ANKRD30A: variants seen among roughly 807,000 people sequenced by gnomAD.
ANKRD30A encodes the protein ankyrin repeat domain-containing protein 30A.
Under a neutral mutation model 166.3 loss-of-function variants are expected in ANKRD30A, and 170 were observed. The observed-to-expected ratio is 1.02, with a 90% CI of 0.90 to 1.16. The LOEUF (loss-of-function observed/expected upper bound fraction) is 1.16. ANKRD30A is among the 50% of genes most tolerant of loss of function. The pLI, the probability that ANKRD30A is intolerant of heterozygous loss-of-function variation, is 0.00. For missense variants in ANKRD30A, 1,630 were observed against 1,518.0 expected (o/e 1.07, Z -1.23); for synonymous variants, 564 against 508.9 (o/e 1.11, Z -1.46).
intron 5 of ANKRD30A, among the ~76,000 whole-genome samples, chr10:37,135,832 A>G (rs1178416388): frequency 2.0e-5 from 3 of 152,214 alleles, no homozygotes; most frequent in South Asian, 2.1e-4. Flanking sequence ...TACAAATTAT[A>G]AAATAGCTTA....
chr10:37,136,783 A>G (rs1199941945), intron 6 of ANKRD30A, 112 bp downstream of exon 6: 3 of 485,146 alleles, frequency 6.2e-6, no homozygotes, highest in African/African-American at 2.1e-5. Flanking sequence ...GTGTTTACAT[A>G]TATACATATA....
At chr10:37,155,753 G>A (rs17590617) in intron 13 of ANKRD30A, among the ~76,000 whole-genome samples, 35 of 152,182 alleles carry the variant, frequency 2.3e-4, no homozygotes, top group African/African-American at 6.5e-4. Context: ...CAACTGTTTA[G>A]TTTTTGTTCA....
At chr10:37,196,605 C>T (rs1841139070) in intron 27 of ANKRD30A, among the ~76,000 whole-genome samples, 2 of 152,076 alleles carry the variant, frequency 1.3e-5, no homozygotes, top group Non-Finnish European at 2.9e-5. Flanking sequence ...ATGTTTAATT[C>T]ATCTATTGCA....
At chr10:37,197,793 T>C (rs1314994423) in intron 29 of ANKRD30A, among the ~76,000 whole-genome samples, 10 of 152,206 alleles carry the variant, frequency 6.6e-5, no homozygotes, top group Non-Finnish European at 2.9e-5. Context: ...ATTTCTTTTT[T>C]TAGTTCTTCG....
chr10:37,149,655 T>G lies in ANKRD30A; in HGVS notation c.1548T>G (p.Pro516=). The G allele has an allele frequency of 6.2e-7, 1 of 1,612,144 alleles. No individual in the cohort carries two copies. The highest frequency in any genetic ancestry group is 8.5e-7 in the Non-Finnish European group (1 of 1,178,642). ...VMEINREVEE[P]PKKPSAFKPA... is the part of the protein sequence containing the mutation. ...TAAATCTCTTTTGCTTTTTAGAGCC[T>G]CCTAAGAAGCCATCTGCCTTCAAGG... Residue 516 remains proline (P), a synonymous_variant, in exon 10 of 36, where the codon CCT becomes CCG. Coordinates refer to ENST00000361713, the MANE Select transcript of ANKRD30A (RefSeq NM_052997.3).
At chr10:37,171,484 A>C (rs1206426558) in intron 21 of ANKRD30A, among the ~76,000 whole-genome samples, 1 of 151,290 alleles carries the variant, frequency 6.6e-6, no homozygotes, top group Non-Finnish European at 1.5e-5. Context: ...AGTCTGAAAA[A>C]TTTTAGTTTA....
chr10:37,211,714 C>A (rs1241695031), intron 31 of ANKRD30A, among the ~76,000 whole-genome samples: 1 of 152,108 alleles, frequency 6.6e-6, no homozygotes. Flanking sequence ...ACCACACTGA[C>A]TTCCACAATG....
chr10:37,141,878 G>T lies in ANKRD30A; in HGVS notation c.981G>T (p.Glu327Asp). ...GCTTGGTGGAAAAAACACCTGATGA[G>T]GCTGCATCCTTGGTGGAGGGAACAT... ...AESLVEKTPD[E>D]AASLVEGTSD... Residue 327 changes from glutamate (E) to aspartate (D), a missense_variant, in exon 7 of 36, where the codon GAG (glutamate) becomes GAT (aspartate). Physicochemically the swap from Glu to Asp is conservative, Grantham distance 45 (BLOSUM62 2). Transcript: ENST00000361713. 2 of 1,614,138 alleles carry T rather than the reference G, an allele frequency of 1.2e-6. No homozygotes were observed. Among genetic ancestry groups the T allele is most frequent in the Non-Finnish European group, 1.7e-6 (2 of 1,180,020 alleles).
intron 17 of ANKRD30A, among the ~76,000 whole-genome samples, 179 bp downstream of exon 17, chr10:37,163,027 T>C (rs1219847065): frequency 6.6e-6 from 1 of 152,180 alleles, no homozygotes; most frequent in Non-Finnish European, 1.5e-5. Flanking sequence ...ATTTTCAATA[T>C]ATTTTTTAAA....
chr10:37,232,653 T>TA (rs1357626620), downstream of ANKRD30A: 1,118 of 30,658 alleles, frequency 0.036, 48 homozygotes, highest in South Asian at 0.058. Flanking sequence ...AAGCATTGGT[T>TA]TTATATATAT....
chr10:37,204,054 C>A (rs1011177362), intron 31 of ANKRD30A, among the ~76,000 whole-genome samples: 13 of 152,108 alleles, frequency 8.5e-5, no homozygotes, highest in Non-Finnish European at 1.2e-4. Context: ...GTGAAAATGG[C>A]CATACTGCCC....
At chr10:37,167,040 G>T (rs1839408475) in intron 19 of ANKRD30A, among the ~76,000 whole-genome samples, 2 of 152,074 alleles carry the variant, frequency 1.3e-5, no homozygotes, top group African/African-American at 4.8e-5. Context: ...TTATGTAATG[G>T]AGGATGATAA....
At chr10:37,218,855 C>A in intron 33 of ANKRD30A, 125 bp from the exon 34 acceptor site, 1 of 643,324 alleles carries the variant, frequency 1.6e-6, no homozygotes, top group Non-Finnish European at 2.6e-6. Context: ...AGTGGTTCTT[C>A]AACTGATACC....
chr10:37,196,690 C>A (rs1407582178), intron 27 of ANKRD30A, among the ~76,000 whole-genome samples: 1 of 152,042 alleles, frequency 6.6e-6, no homozygotes, highest in African/African-American at 2.4e-5. Flanking sequence ...TACACATCTT[C>A]TTGCATGAGT....
At chr10:37,237,599 A>G in the ANKRD30A span, among the ~76,000 whole-genome samples, 4 of 152,082 alleles carry the variant, frequency 2.6e-5, no homozygotes, top group Non-Finnish European at 5.9e-5. Flanking sequence ...CTCACCTTCT[A>G]TTTAAAAAGA....
At chr10:37,196,131 G>A (rs186479683) in intron 27 of ANKRD30A, among the ~76,000 whole-genome samples, 5 of 139,594 alleles carry the variant, frequency 3.6e-5, no homozygotes, top group Non-Finnish European at 7.6e-5. Flanking sequence ...AGCATTCTAG[G>A]CAGGTAACAG....
intron 15 of ANKRD30A, among the ~76,000 whole-genome samples, chr10:37,159,260 T>G (rs1564505127): frequency 1.3e-5 from 2 of 152,182 alleles, no homozygotes; most frequent in African/African-American, 4.8e-5. Flanking sequence ...CACGTGCCTG[T>G]AATCCTAGCA....
the ANKRD30A span, chr10:37,242,139 C>G: frequency 6.6e-6 from 1 of 152,164 alleles, no homozygotes; most frequent in East Asian, 1.9e-4. Flanking sequence ...CTTAGACTTT[C>G]AATTGTAGCA....
At chr10:37,232,691 T>G (rs1406674666), downstream of ANKRD30A, 238 of 4,938 alleles carry the variant, frequency 0.048, 4 homozygotes, top group African/African-American at 0.068. Flanking sequence ...TATATATATA[T>G]ATAAATAGAG....
Sources: allele counts gnomAD v4.1 joint callset (sites outside exome capture counted in the v4.1 genomes callset), GRCh38; gene constraint gnomAD v4.1.1; transcripts MANE v1.5; gene names NCBI Gene and HGNC (gene_info 2026-07-23, HGNC 2026-07-21).